The following MSI2 variants were observed in gnomAD, a reference collection of about 807,000 sequenced individuals.
MSI2 encodes the protein musashi RNA binding protein 2.
A neutral mutation model predicts 45.6 loss-of-function variants in MSI2; 17 were observed. The observed-to-expected ratio is 0.37, with a 90% CI of 0.26 to 0.56. MSI2 has a LOEUF of 0.56. Among genes scored for constraint, MSI2 ranks in the 20% least tolerant of loss-of-function variants. The pLI is 0.77. For synonymous variants in MSI2, 156 were observed against 158.2 expected (o/e 0.99, Z 0.11); for missense variants, 293 against 444.2 (o/e 0.66, Z 3.06).
rs1006738056 is a variant in MSI2 at position 57,490,586 on chromosome 17, G to C, written c.406-39090G>C. On this transcript the variant is annotated intron_variant, in intron 6 of 13. Transcript: ENST00000284073. ...GTAAAGCATGGTTGGGACAGAAGTT[G>C]TATTGGGTTCACTTGTGTGTCCTGG... 2.6e-5 allele frequency among the ~76,000 whole-genome samples: 4 copies of C among 152,236 alleles called. No individual in the cohort carries two copies. In the South Asian group the frequency reaches 8.3e-4, roughly 32 times the overall value.
intron 11 of MSI2, among the ~76,000 whole-genome samples, chr17:57,659,459 C>T (rs556887044): frequency 1.1e-4 from 16 of 152,184 alleles, no homozygotes; most frequent in African/African-American, 2.2e-4. Context: ...CCCTGGGAGA[C>T]GGTCAGGAAG....
chr17:57,520,788 G>A (rs1316208185), intron 6 of MSI2, among the ~76,000 whole-genome samples: 1 of 151,444 alleles, frequency 6.6e-6, no homozygotes, highest in African/African-American at 2.4e-5. Context: ...AGAGTAGCTG[G>A]GATTACAGTT....
At chr17:57,310,998 C>T (rs1487612390) in intron 5 of MSI2, among the ~76,000 whole-genome samples, 1 of 152,226 alleles carries the variant, frequency 6.6e-6, no homozygotes, top group Non-Finnish European at 1.5e-5. Context: ...AATGGTTATA[C>T]TCATTTGACA....
At chr17:57,294,999 C>T (rs1910793278) in intron 5 of MSI2, among the ~76,000 whole-genome samples, 1 of 152,016 alleles carries the variant, frequency 6.6e-6, no homozygotes, top group Admixed American at 6.5e-5. Flanking sequence ...TGTTTCAGGA[C>T]CACCGAGCAG....
chr17:57,300,247 T>C (rs55854322), intron 5 of MSI2, among the ~76,000 whole-genome samples: 67 of 152,340 alleles, frequency 4.4e-4, no homozygotes, highest in Non-Finnish European at 9.1e-4. Flanking sequence ...TCCAGGTGTC[T>C]TAACTTTTAG....
intron 11 of MSI2, among the ~76,000 whole-genome samples, chr17:57,660,604 C>T (rs1285900101): frequency 6.6e-6 from 1 of 152,156 alleles, no homozygotes; most frequent in Non-Finnish European, 1.5e-5. Context: ...GTAACATAAG[C>T]CTATCCAATG....
At chr17:57,496,020 A>G (rs1317932637) in intron 6 of MSI2, among the ~76,000 whole-genome samples, 1 of 152,202 alleles carries the variant, frequency 6.6e-6, no homozygotes, top group Non-Finnish European at 1.5e-5. Flanking sequence ...ATATACTTGA[A>G]TGATACTAGA....
intron 10 of MSI2, among the ~76,000 whole-genome samples, chr17:57,647,667 CAG>C (rs1284765623): frequency 1.3e-5 from 2 of 151,050 alleles, no homozygotes; most frequent in Non-Finnish European, 3.0e-5. Context: ...TTCTTCGAGA[CAG>C]AGTCTCGCTC....
intron 6 of MSI2, among the ~76,000 whole-genome samples, chr17:57,419,728 T>A (rs981457055): frequency 1.3e-5 from 2 of 152,152 alleles, no homozygotes; most frequent in African/African-American, 4.8e-5. Context: ...TTGGTTGTGA[T>A]GAGAACAGGT....
In MSI2 at chr17:57,339,284, C is replaced by T. The variant is rs147201185; in HGVS notation, c.313-62095C>T. On this transcript the variant is annotated intron_variant, in intron 5 of 13. Coordinates refer to ENST00000284073, the MANE Select transcript of MSI2 (RefSeq NM_138962.4). The stretch of plus-strand genomic sequence containing the variant: ...CAGGGGGTCGGCATATTTAGATCAT[C>T]GTCTCACGGATTGATTCAGGATTGT... Among the ~76,000 whole-genome samples the T allele has an allele frequency of 2.0e-3, 306 of 152,284 alleles. 3 individuals are homozygous for T. Among genetic ancestry groups the T allele is most frequent in the African/African-American group, 7.1e-3 (294 of 41,564 alleles).
intron 5 of MSI2, among the ~76,000 whole-genome samples, chr17:57,310,369 C>T (rs921586475): frequency 1.1e-4 from 16 of 151,878 alleles, no homozygotes; most frequent in Middle Eastern, 3.4e-3. Flanking sequence ...AATCTCACTC[C>T]GTCACCCAGG....
intron 7 of MSI2, among the ~76,000 whole-genome samples, chr17:57,535,817 G>A (rs1049898622): frequency 6.6e-6 from 1 of 152,232 alleles, no homozygotes; most frequent in East Asian, 1.9e-4. Flanking sequence ...AGCTTGCTCA[G>A]TCTCTGTCCC....
chr17:57,478,478 A>C (rs1450098954), intron 6 of MSI2, among the ~76,000 whole-genome samples: 5 of 152,308 alleles, frequency 3.3e-5, no homozygotes, highest in African/African-American at 1.2e-4. Flanking sequence ...TTTCTCAAGA[A>C]AGGAAAGTCC....
At chr17:57,414,694 C>G (rs569267384) in intron 6 of MSI2, among the ~76,000 whole-genome samples, 1 of 152,108 alleles carries the variant, frequency 6.6e-6, no homozygotes, top group Non-Finnish European at 1.5e-5. Flanking sequence ...GCCACCCTGC[C>G]CAGCCAGGAT....
chr17:57,345,818 C>CAAAA (rs10685506), intron 5 of MSI2, among the ~76,000 whole-genome samples: 2 of 121,236 alleles, frequency 1.6e-5, no homozygotes, highest in African/African-American at 2.9e-5. Flanking sequence ...GACTCCGTCT[C>CAAAA]AAAAAAAAAA....
the MSI2 span, among the ~76,000 whole-genome samples, chr17:57,697,356 GCCACTC>G: frequency 6.6e-6 from 1 of 151,506 alleles, no homozygotes; most frequent in African/African-American, 2.4e-5. Flanking sequence ...CACACCCATG[GCCACTC>G]CCACTCCCAC....
At chr17:57,667,930 G>A (rs988932239) in intron 11 of MSI2, among the ~76,000 whole-genome samples, 3 of 152,220 alleles carry the variant, frequency 2.0e-5, no homozygotes, top group Non-Finnish European at 4.4e-5. Context: ...CAGGCACAGT[G>A]GCTCAGGCCT....
At chr17:57,317,139 C>G (rs558321946) in intron 5 of MSI2, among the ~76,000 whole-genome samples, 6 of 152,218 alleles carry the variant, frequency 3.9e-5, no homozygotes, top group African/African-American at 1.4e-4. Flanking sequence ...TTTGCCATCT[C>G]TGATAGGTTG....
At chr17:57,605,084 A>G (rs1906398942) in intron 8 of MSI2, among the ~76,000 whole-genome samples, 1 of 152,224 alleles carries the variant, frequency 6.6e-6, no homozygotes, top group East Asian at 1.9e-4. Flanking sequence ...GTTGCCATTT[A>G]TAAAATGAGA....
Sources: gnomAD v4.1 joint callset for allele counts (sites outside exome capture counted in the v4.1 genomes callset) on GRCh38, gnomAD v4.1.1 for gene constraint, MANE v1.5 for transcripts, NCBI Gene and HGNC (gene_info 2026-07-23, HGNC 2026-07-21) for gene names.